Variants in SPTBN2 observed in about 807,000 individuals in gnomAD.
SPTBN2 encodes the protein spectrin beta chain, non-erythrocytic 2.
In SPTBN2, 107 loss-of-function variants were observed where a neutral mutation model predicts 284.2. The observed-to-expected ratio is 0.38, with a 90% CI of 0.32 to 0.44. The LOEUF is 0.44. SPTBN2 is among the 20% of genes least tolerant of loss of function. The pLI is 1.00. For synonymous variants in SPTBN2, 1,289 were observed against 1,354.8 expected, an observed-to-expected ratio of 0.95 and a Z score of 1.07; for missense variants, 2,569 against 3,287.1, an observed-to-expected ratio of 0.78 and a Z score of 5.34.
Position 66,698,696 on chromosome 11 carries a change from G to A in SPTBN2, c.3957C>T (p.His1319=), listed in dbSNP as rs755485788. 1.2e-6 allele frequency: 2 copies of A among 1,614,256 alleles called. No homozygotes were observed. Among genetic ancestry groups the A allele is most frequent in the Non-Finnish European group, 1.7e-6 (2 of 1,180,052 alleles). The change falls in exon 20 of 38, where the codon CAC becomes CAT. Residue 1319 remains histidine, a synonymous_variant. Coordinates refer to ENST00000533211, the MANE Select transcript of SPTBN2 (RefSeq NM_006946.4). The part of the protein sequence containing the change: ...ARNLHTKWQK[H]QAFMAELAAN... ...CAGCCAGCTCGGCCATGAATGCCTG[G>A]TGCTTCTGCCACTTAGTATGCAGGT...
Position 66,708,008 on chromosome 11 carries a change from G to C in SPTBN2, c.1350+133C>G. 6.7e-7 allele frequency: 1 copy of C among 1,484,450 alleles called. No homozygotes were observed. The highest frequency in any genetic ancestry group is 9.3e-7 in the Non-Finnish European group (1 of 1,076,676). The allele number at this position is 1,484,450 out of a possible 1,614,324, so 92.0% of individuals were successfully genotyped here. A position where few individuals can be genotyped will look rare whatever the true frequency, so the allele number is the denominator to read the frequency against. On this transcript the variant is annotated intron_variant, in intron 12 of 37. Coordinates refer to ENST00000533211, the MANE Select transcript of SPTBN2 (RefSeq NM_006946.4). This position sits in a 1 kb window ranked among gnomAD's most constrained non-coding sequence, Gnocchi z 4.4. ...TCCCACCCTCTGGCCCCTGGCTCCCGGACCTCTAGGCCTTTTTACCCAGGT... is the reference window on the plus strand; with the variant it reads ...TCCCACCCTCTGGCCCCTGGCTCCCCGACCTCTAGGCCTTTTTACCCAGGT...
chr11:66,697,192 T>C (rs551051893), intron 20 of SPTBN2, among the ~76,000 whole-genome samples: 10 of 152,264 alleles, frequency 6.6e-5, no homozygotes, highest in Non-Finnish European at 1.5e-4. Context: ...CTGATGCCCA[T>C]GGGGGTAACT....
intron 20 of SPTBN2, among the ~76,000 whole-genome samples, chr11:66,698,265 A>G (rs936907269): frequency 6.6e-6 from 1 of 152,250 alleles, no homozygotes; most frequent in Non-Finnish European, 1.5e-5. Flanking sequence ...AGAGATGAGT[A>G]GTTGTAGTAG....
chr11:66,710,536 C>T lies in SPTBN2; in HGVS notation c.1073+46G>A, dbSNP rs747531169. 1.9e-6 allele frequency: 3 copies of T among 1,595,760 alleles called. No homozygotes were observed. Among genetic ancestry groups the T allele is most frequent in the African/African-American group, 1.3e-5 (1 of 74,552 alleles). Reference sequence around the variant, plus strand: ...GGCTGTGCTAATTTAGGCTTCCTCTCGTGGGAGCACAGCTCAGGGAAGGGT... The same window carrying T: ...GGCTGTGCTAATTTAGGCTTCCTCTTGTGGGAGCACAGCTCAGGGAAGGGT... On this transcript the variant is annotated intron_variant, in intron 10 of 37. Coordinates refer to ENST00000533211, the MANE Select transcript of SPTBN2 (RefSeq NM_006946.4). The surrounding 1 kb of genome is among the most constrained non-coding windows in gnomAD (Gnocchi z 4.9).
In SPTBN2 at chr11:66,700,889, G is replaced by A. The variant is rs144574610; in HGVS notation, c.3210C>T (p.Phe1070=). The change falls in exon 17 of 38, where the codon TTC becomes TTT. Residue 1070 remains phenylalanine, a synonymous_variant. Coordinates refer to ENST00000533211, the MANE Select transcript of SPTBN2 (RefSeq NM_006946.4). This position sits in a 1 kb window ranked among gnomAD's most constrained non-coding sequence, Gnocchi z 6.6. The part of the protein sequence containing the change: ...SLGEARRLQD[F]LRSLDDFQAW... Reference sequence around the variant, plus strand: ...CCTGGAAGTCATCCAAGCTGCGCAAGAAGTCCTGCAGCCGCCGCGCCTCCC... The same window carrying A: ...CCTGGAAGTCATCCAAGCTGCGCAAAAAGTCCTGCAGCCGCCGCGCCTCCC... The A allele has an allele frequency of 6.2e-7, 1 of 1,600,408 alleles. No individual in the cohort carries two copies. Among genetic ancestry groups the A allele is most frequent in the Non-Finnish European group, 8.5e-7 (1 of 1,179,832 alleles).
At chr11:66,740,846 T>C (rs1032459311) in intron 1 of SPTBN2, among the ~76,000 whole-genome samples, 2 of 152,172 alleles carry the variant, frequency 1.3e-5, no homozygotes, top group Non-Finnish European at 1.5e-5. Context: ...TCAGCCTCTT[T>C]AGGGCATTTG....
intron 1 of SPTBN2, among the ~76,000 whole-genome samples, chr11:66,721,812 G>C (rs1050087297): frequency 6.6e-6 from 1 of 151,292 alleles, no homozygotes; most frequent in Non-Finnish European, 1.5e-5. Context: ...TTGGGAGGCC[G>C]AGGTGGGTGG....
chr11:66,710,829 G>T lies in SPTBN2; in HGVS notation c.886-60C>A. On this transcript the variant is annotated intron_variant, in intron 9 of 37. Transcript: ENST00000533211. The surrounding 1 kb of genome is among the most constrained non-coding windows in gnomAD (Gnocchi z 4.9). ...GCCACAGGGTCCCTGGCCCAGTCCT[G>T]CAGCTCCACCCTGCCCTTGCACTAG... The T allele has an allele frequency of 6.2e-7, 1 of 1,611,532 alleles. No homozygotes were observed. Among genetic ancestry groups the T allele is most frequent in the Non-Finnish European group, 8.5e-7 (1 of 1,178,582 alleles).
Position 66,721,382 on chromosome 11 carries a change from C to T in SPTBN2, c.-55G>A, listed in dbSNP as rs771858320. ...CCGCTCTCCTTGTGGCCAGAGGCTGCGGTTGGCTGCTCAGTGGAAATCAGC... is the reference window on the plus strand; with the variant it reads ...CCGCTCTCCTTGTGGCCAGAGGCTGTGGTTGGCTGCTCAGTGGAAATCAGC... On this transcript the variant is annotated 5_prime_UTR_variant, in exon 2 of 38. Transcript: ENST00000533211. 2.6e-5 allele frequency: 31 copies of T among 1,179,968 alleles called. No homozygotes were observed. The highest frequency in any genetic ancestry group is 1.9e-4 in the South Asian group (15 of 80,568). The allele number at this position is 1,179,968 out of a possible 1,614,324, so 73.1% of individuals were successfully genotyped here.
At chr11:66,717,039 G>C (rs1817431819) in intron 3 of SPTBN2, among the ~76,000 whole-genome samples, 1 of 152,162 alleles carries the variant, frequency 6.6e-6, no homozygotes, top group Admixed American at 6.5e-5. Context: ...AGGGGATCCA[G>C]TTCCAGGACA....
In SPTBN2 at chr11:66,708,953, G is replaced by A. The variant is rs1442474096; in HGVS notation, c.1140C>T (p.Asn380=). 1.2e-6 allele frequency: 2 copies of A among 1,614,054 alleles called. No individual in the cohort carries two copies. Among genetic ancestry groups the A allele is most frequent in the South Asian group, 1.1e-5 (1 of 91,066 alleles). ...FTIQSKLRAN[N]QKVYTPREGR... The stretch of plus-strand genomic sequence containing the variant: ...CCTCGCGGGGCGTGTAGACCTTCTG[G>A]TTGTTGGCCCGAAGCTTGCTCTGGA... Residue 380 remains asparagine (N), a synonymous_variant, in exon 11 of 38, where the codon AAC becomes AAT. Transcript: ENST00000533211. The surrounding 1 kb of genome is among the most constrained non-coding windows in gnomAD (Gnocchi z 4.4).
Position 66,693,682 on chromosome 11 carries a change from CA to C in SPTBN2, c.4593+89del. The C allele has an allele frequency of 7.3e-7, 1 of 1,375,826 alleles. No individual in the cohort carries two copies. The highest frequency in any genetic ancestry group is 2.0e-5 in the Admixed American group (1 of 50,814). The allele number at this position is 1,375,826 out of a possible 1,614,324, so 85.2% of individuals were successfully genotyped here. A position where few individuals can be genotyped will look rare whatever the true frequency, so the allele number is the denominator to read the frequency against. ...CACTGAAGTCCAGGGTTACACTCAG[CA>C]TCGAGGGGGGCCTGGTCTTAAGAAA... On this transcript the variant is annotated intron_variant, in intron 23 of 37. Coordinates refer to ENST00000533211, the MANE Select transcript of SPTBN2 (RefSeq NM_006946.4). This position sits in a 1 kb window ranked among gnomAD's most constrained non-coding sequence, Gnocchi z 5.7.
At position 66,718,948 on chromosome 11, in the gene SPTBN2, C is replaced by T. The variant is rs1486329402; in HGVS notation, c.157+2136G>A. 1.3e-5 allele frequency among the ~76,000 whole-genome samples: 2 copies of T among 152,330 alleles called. No homozygotes were observed. The highest frequency in any genetic ancestry group is 2.1e-4 in the South Asian group (1 of 4,832). On this transcript the variant is annotated intron_variant, in intron 3 of 37. Transcript: ENST00000533211. The surrounding 1 kb of genome is among the most constrained non-coding windows in gnomAD (Gnocchi z 4.8). ...GGGCGGCGGAGGAGGGCACTGCCAG[C>T]GCCTTCAAGACCCGCCCATCAGGCC...
At chr11:66,714,262 G>A in intron 6 of SPTBN2, 54 bp downstream of exon 6, 1 of 1,607,662 alleles carries the variant, frequency 6.2e-7, no homozygotes, top group South Asian at 1.1e-5. Context: ...CTGGAGCCCA[G>A]CACAGCCTGG....
rs1940276800 is a variant in SPTBN2, at chr11:66,688,220, G to A, written c.6323C>T (p.Pro2108Leu). 2 of 1,613,682 alleles carry A rather than the reference G, an allele frequency of 1.2e-6. No individual in the cohort carries two copies. The highest frequency in any genetic ancestry group is 1.7e-6 in the Non-Finnish European group (2 of 1,180,056). Residue 2108 changes from proline to leucine, a missense_variant, in exon 32 of 38, where the codon CCT becomes CTT. Coordinates refer to ENST00000533211, the MANE Select transcript of SPTBN2 (RefSeq NM_006946.4). ...PPAPEPTASVPPGDLVGGQTA... is the reference protein window; with the variant it reads ...PPAPEPTASVLPGDLVGGQTA... The stretch of plus-strand genomic sequence containing the variant: ...CTGGCCGCCCACCAGGTCCCCTGGA[G>A]GCACACTGGCTGTGGGTTCGGGAGC...
chr11:66,687,134 A>G lies in SPTBN2; in HGVS notation c.6756T>C (p.Arg2252=). ...SWQNVYCVLR[R]GSLGFYKDAK... ...CATCCTTGTAAAAGCCGAGGCTCCC[A>G]CGCCGCAGGACACAGTACACGTTCT... Residue 2252 remains arginine (R), a synonymous_variant, in exon 36 of 38, where the codon CGT becomes CGC. Coordinates refer to ENST00000533211, the MANE Select transcript of SPTBN2 (RefSeq NM_006946.4). The surrounding 1 kb of genome is among the most constrained non-coding windows in gnomAD (Gnocchi z 5.2). The G allele has an allele frequency of 6.2e-7, 1 of 1,614,014 alleles. No homozygotes were observed. Among genetic ancestry groups the G allele is most frequent in the East Asian group, 2.2e-5 (1 of 44,880 alleles).
rs1362360533 is a variant in SPTBN2, at chr11:66,683,479, G to T, written c.*2392C>A. Among the ~76,000 whole-genome samples, 1 of 152,120 alleles carries T rather than the reference G, an allele frequency of 6.6e-6. No homozygotes were observed. The highest frequency in any genetic ancestry group is 1.5e-5 in the Non-Finnish European group (1 of 68,016). ...CCTCACCGCCCCATTCCATCCTGTT[G>T]TCTTTCCTGGAATTTTTTCTTTCTT... On this transcript the variant is annotated 3_prime_UTR_variant, in exon 38 of 38. Transcript: ENST00000533211.
intron 1 of SPTBN2, among the ~76,000 whole-genome samples, chr11:66,726,434 A>G (rs1942624772): frequency 6.6e-6 from 1 of 152,230 alleles, no homozygotes; most frequent in African/African-American, 2.4e-5. Context: ...GTGACACTGA[A>G]GCTAATGGTC....
At chr11:66,694,480 C>A (rs1327477523) in intron 21 of SPTBN2, 117 bp from the exon 22 acceptor site, 9 of 1,012,192 alleles carry the variant, frequency 8.9e-6, no homozygotes, top group Non-Finnish European at 1.3e-5. Context: ...GCAGCTCACC[C>A]AGGGAGAGCA....
Sources: gnomAD v4.1 joint callset for allele counts (sites outside exome capture counted in the v4.1 genomes callset) on GRCh38, gnomAD v4.1.1 for gene constraint, Gnocchi (gnomAD v3.1) non-coding constraint, MANE v1.5 for transcripts, NCBI Gene and HGNC (gene_info 2026-07-23, HGNC 2026-07-21) for gene names.